The following PPP1R13B variants were observed in gnomAD, a reference collection of about 807,000 sequenced individuals.
PPP1R13B encodes the protein protein phosphatase 1 regulatory subunit 13B.
PPP1R13B carries 44 observed loss-of-function variants against 119.8 expected under a neutral mutation model. The ratio of observed to expected loss-of-function variants is 0.37; its 90% confidence interval spans 0.29 to 0.47. The LOEUF (loss-of-function observed/expected upper bound fraction) is 0.47, where lower values mean the gene tolerates loss of function less well. Ranked by LOEUF, PPP1R13B falls within the 20% of genes least tolerant of loss-of-function variation. The pLI, the probability that PPP1R13B is intolerant of heterozygous loss-of-function variation, is 0.99. For synonymous variants in PPP1R13B, 542 were observed against 561.5 expected, an observed-to-expected ratio of 0.97 and a Z score of 0.49; for missense variants, 1,227 against 1,413.5, an observed-to-expected ratio of 0.87 and a Z score of 2.12.
At chr14:103,839,322 C>T (rs984505495) in intron 1 of PPP1R13B, among the ~76,000 whole-genome samples, 1 of 151,884 alleles carries the variant, frequency 6.6e-6, no homozygotes, top group Non-Finnish European at 1.5e-5. Context: ...CACTGTGTTT[C>T]ATTTCTGATA....
chr14:103,777,983 C>T (rs909940274), intron 4 of PPP1R13B, among the ~76,000 whole-genome samples: 1 of 147,774 alleles, frequency 6.8e-6, no homozygotes, highest in Non-Finnish European at 1.5e-5. Flanking sequence ...GATGGAATTT[C>T]GCTCGTTGCC....
intron 1 of PPP1R13B, among the ~76,000 whole-genome samples, chr14:103,798,266 C>T (rs1388709192): frequency 6.7e-6 from 1 of 150,336 alleles, no homozygotes; most frequent in African/African-American, 2.4e-5. Flanking sequence ...ATTCTCTTGC[C>T]TCAGCCTCCA....
At chr14:103,751,695 TG>T (rs2084551999) in intron 7 of PPP1R13B, among the ~76,000 whole-genome samples, 1 of 152,126 alleles carries the variant, frequency 6.6e-6, no homozygotes, top group Non-Finnish European at 1.5e-5. Context: ...CTCCACTACG[TG>T]GGGACACAGC....
rs1289120569 is a variant in PPP1R13B at position 103,736,251 on chromosome 14, C to T, written c.3032-49G>A. On this transcript the variant is annotated intron_variant, in intron 15 of 16. Coordinates refer to ENST00000202556, the MANE Select transcript of PPP1R13B (RefSeq NM_015316.3). Reference sequence around the variant, plus strand: ...GGCCTCAGCAGAGGGTGGCCTGCAGCAAGGGACCCTGCTCGAGGAACAGGA... The same window carrying T: ...GGCCTCAGCAGAGGGTGGCCTGCAGTAAGGGACCCTGCTCGAGGAACAGGA... 4 of 1,579,826 alleles carry T rather than the reference C, an allele frequency of 2.5e-6. No individual in the cohort carries two copies. In the African/African-American group the frequency reaches 5.4e-5, roughly 21 times the overall value.
intron 1 of PPP1R13B, among the ~76,000 whole-genome samples, chr14:103,798,152 C>CTTTTTTTTT (rs768163941): frequency 7.7e-6 from 1 of 129,184 alleles, no homozygotes; most frequent in African/African-American, 2.9e-5. Flanking sequence ...ATAATAATCT[C>CTTTTTTTTT]TTTTTTTTTT....
chr14:103,739,084 G>C (rs187170252), intron 12 of PPP1R13B, 61 bp from the exon 13 acceptor site: 1 of 1,559,528 alleles, frequency 6.4e-7, no homozygotes, highest in Non-Finnish European at 8.7e-7. Flanking sequence ...AAGAACCCAC[G>C]CCTGCTGGGA....
Position 103,740,344 on chromosome 14 carries a change from A to G in PPP1R13B, c.2072T>C (p.Leu691Pro). The G allele has an allele frequency of 3.2e-6, 5 of 1,566,710 alleles. No homozygotes were observed. The highest frequency in any genetic ancestry group is 4.3e-6 in the Non-Finnish European group (5 of 1,155,888). The part of the protein sequence containing the change: ...SPLRYQSDAD[L>P]EALRRKLANA... ...GGCCAGCTTCCTGCGGAGGGCCTCCAGGTCTGCATCACTCTGGTAGCGCAG... is the reference window on the plus strand; with the variant it reads ...GGCCAGCTTCCTGCGGAGGGCCTCCGGGTCTGCATCACTCTGGTAGCGCAG... Residue 691 changes from leucine (L) to proline (P), a missense_variant, in exon 12 of 17, where the codon CTG becomes CCG. Physicochemically the swap from Leu to Pro is moderately conservative, Grantham distance 98. Coordinates refer to ENST00000202556, the MANE Select transcript of PPP1R13B (RefSeq NM_015316.3). The surrounding 1 kb of genome is among the most constrained non-coding windows in gnomAD (Gnocchi z 4.6).
At chr14:103,769,138 T>A (rs1183107817) in intron 4 of PPP1R13B, among the ~76,000 whole-genome samples, 1 of 152,186 alleles carries the variant, frequency 6.6e-6, no homozygotes, top group Non-Finnish European at 1.5e-5. Flanking sequence ...CAGGCTGGAG[T>A]GCAGTGGTGC....
intron 16 of PPP1R13B, 90 bp from the exon 17 acceptor site, chr14:103,735,285 C>T: frequency 2.4e-6 from 3 of 1,275,936 alleles, no homozygotes; most frequent in Non-Finnish European, 3.4e-6. Flanking sequence ...ACCTCAGCCA[C>T]CCTGGACAGC....
intron 1 of PPP1R13B, among the ~76,000 whole-genome samples, chr14:103,823,845 C>T (rs758196105): frequency 6.6e-6 from 1 of 151,702 alleles, no homozygotes; most frequent in Non-Finnish European, 1.5e-5. Context: ...AAAAAAAAGT[C>T]AACCAATAGA....
chr14:103,737,371 C>A, intron 15 of PPP1R13B: 1 of 217,464 alleles, frequency 4.6e-6, no homozygotes, highest in Admixed American at 5.5e-5. Flanking sequence ...TCGAGACCAC[C>A]CTGGGCAACA....
Position 103,740,235 on chromosome 14 carries a change from G to C in PPP1R13B, c.2181C>G (p.Tyr727Ter). ...CACCGGCCAGGGTGTTGAAGCGCTG[G>C]TACAGCAGCTTCTGGATGTTGGGCC... ...PGGPNIQKLL[Y>*]QRFNTLAGGM... is the part of the protein sequence containing the mutation. The change falls in exon 12 of 17, where the codon TAC becomes TAG. Residue 727 changes from tyrosine to a stop codon, truncating the protein, a stop_gained. Coordinates refer to ENST00000202556, the MANE Select transcript of PPP1R13B (RefSeq NM_015316.3). LOFTEE classifies it high-confidence loss of function. This position sits in a 1 kb window ranked among gnomAD's most constrained non-coding sequence, Gnocchi z 4.6. 6.2e-7 allele frequency: 1 copy of C among 1,610,000 alleles called. No homozygotes were observed. Among genetic ancestry groups the C allele is most frequent in the Non-Finnish European group, 8.5e-7 (1 of 1,177,404 alleles).
chr14:103,760,367 T>C (rs956651294), intron 4 of PPP1R13B, among the ~76,000 whole-genome samples: 4 of 152,230 alleles, frequency 2.6e-5, no homozygotes, highest in Non-Finnish European at 4.4e-5. Context: ...TTTCTCTTCA[T>C]TGATTGCATC....
intron 1 of PPP1R13B, among the ~76,000 whole-genome samples, chr14:103,803,651 A>G (rs950294437): frequency 1.3e-5 from 2 of 152,126 alleles, no homozygotes; most frequent in Admixed American, 6.5e-5. Flanking sequence ...TCAAAAATAA[A>G]TAAATAAATA....
chr14:103,826,527 A>G (rs556414921), intron 1 of PPP1R13B, among the ~76,000 whole-genome samples: 1 of 152,332 alleles, frequency 6.6e-6, no homozygotes, highest in East Asian at 1.9e-4. Flanking sequence ...ATAGTAAGAG[A>G]GTTCATAAAT....
chr14:103,770,899 G>A (rs888499285), intron 4 of PPP1R13B, among the ~76,000 whole-genome samples: 4 of 152,208 alleles, frequency 2.6e-5, no homozygotes, highest in Non-Finnish European at 5.9e-5. Flanking sequence ...CTTTTGTCCT[G>A]AAGGTTTTTG....
intron 4 of PPP1R13B, among the ~76,000 whole-genome samples, chr14:103,761,423 T>C (rs60431526): frequency 0.057 from 8,604 of 152,204 alleles, 260 homozygotes; most frequent in Middle Eastern, 0.12. Context: ...TTGCAGTTCT[T>C]GAAAAACTAT....
chr14:103,770,867 A>C (rs2085050944), intron 4 of PPP1R13B, among the ~76,000 whole-genome samples: 1 of 152,208 alleles, frequency 6.6e-6, no homozygotes, highest in Non-Finnish European at 1.5e-5. Flanking sequence ...CTTGGGCAAT[A>C]ATAAAAGAAC....
Position 103,757,639 on chromosome 14 carries a change from T to G in PPP1R13B, c.456+11A>C, listed in dbSNP as rs772653241. 28 of 1,612,432 alleles carry G rather than the reference T, an allele frequency of 1.7e-5. No individual in the cohort carries two copies. Among genetic ancestry groups the G allele is most frequent in the Non-Finnish European group, 2.3e-5 (27 of 1,178,760 alleles). On this transcript the variant is annotated intron_variant, in intron 5 of 16. Transcript: ENST00000202556. ...TTGAACAATGTTTCAATACCTCTTT[T>G]TATAACTTACCTTGGCAACCAACAT...
Sources: gnomAD v4.1 joint callset for allele counts (sites outside exome capture counted in the v4.1 genomes callset) on GRCh38, gnomAD v4.1.1 for gene constraint, Gnocchi (gnomAD v3.1) non-coding constraint, MANE v1.5 for transcripts, NCBI Gene and HGNC (gene_info 2026-07-23, HGNC 2026-07-21) for gene names.